Variants in SEC14L5 observed in about 807,000 individuals in gnomAD.
SEC14L5 encodes the protein SEC14 like lipid binding 5, also known as SEC14-like protein 5.
A neutral mutation model predicts 84.6 loss-of-function variants in SEC14L5; 96 were observed. The ratio of observed to expected loss-of-function variants is 1.13; its 90% CI spans 0.96 to 1.34. The LOEUF (loss-of-function observed/expected upper bound fraction) is 1.34. SEC14L5 is among the 40% of genes most tolerant of loss of function. The pLI is 0.00. For synonymous variants in SEC14L5, 546 were observed against 383.4 expected, an observed-to-expected ratio of 1.42 and a Z score of -4.95; for missense variants, 1,224 against 942.5, an observed-to-expected ratio of 1.30 and a Z score of -3.91.
intron 2 of SEC14L5, among the ~76,000 whole-genome samples, chr16:4,962,251 C>T (rs151069527): frequency 3.3e-5 from 5 of 151,984 alleles, no homozygotes; most frequent in Middle Eastern, 6.8e-3. Context: ...GTAATGTACT[C>T]GCATTGCCTG....
At chr16:4,967,353 C>T (rs953524118) in intron 2 of SEC14L5, among the ~76,000 whole-genome samples, 1 of 152,054 alleles carries the variant, frequency 6.6e-6, no homozygotes, top group African/African-American at 2.4e-5. Flanking sequence ...TTTATAAGGA[C>T]ACTCCAATGG....
In SEC14L5 at chr16:5,008,561, G is replaced by T. The variant is rs1319751813; in HGVS notation, c.1713G>T (p.Gly571=). ...GAREPGTRAS[G]QLIDKGWVLG... is the part of the protein sequence containing the mutation. ...GGGAACCGGGGACCAGGGCCAGCGGGCAGCTGATCGACAAAGGCTGGGTCC... is the reference window on the plus strand; with the variant it reads ...GGGAACCGGGGACCAGGGCCAGCGGTCAGCTGATCGACAAAGGCTGGGTCC... The change falls in exon 14 of 16, where the codon GGG becomes GGT. Residue 571 remains glycine, a synonymous_variant. Transcript: ENST00000251170. 1 of 1,608,444 alleles carries T rather than the reference G, an allele frequency of 6.2e-7. No homozygotes were observed. Among genetic ancestry groups the T allele is most frequent in the Non-Finnish European group, 8.5e-7 (1 of 1,177,998 alleles).
intron 9 of SEC14L5, 48 bp downstream of exon 9, chr16:5,000,791 G>C: frequency 6.4e-7 from 1 of 1,562,420 alleles, no homozygotes; most frequent in Non-Finnish European, 8.7e-7. Flanking sequence ...GGCCGGGCCT[G>C]GGAAGGACTG....
At chr16:4,994,955 C>G (rs1955593766) in intron 6 of SEC14L5, among the ~76,000 whole-genome samples, 1 of 152,162 alleles carries the variant, frequency 6.6e-6, no homozygotes, top group African/African-American at 2.4e-5. Flanking sequence ...TCCGGCCTCT[C>G]TCGTTTTTCT....
At chr16:4,999,559 G>A (rs559894040) in intron 8 of SEC14L5, among the ~76,000 whole-genome samples, 2 of 152,214 alleles carry the variant, frequency 1.3e-5, no homozygotes, top group African/African-American at 4.8e-5. Context: ...GGTTCAGGCT[G>A]CAGTGAGTCG....
At chr16:5,011,330 A>T in intron 15 of SEC14L5, 57 bp downstream of exon 15, 1 of 1,537,280 alleles carries the variant, frequency 6.5e-7, no homozygotes, top group Admixed American at 1.8e-5. Context: ...CTGATTGACA[A>T]TGCAGATGCC....
intron 2 of SEC14L5, among the ~76,000 whole-genome samples, chr16:4,978,971 A>G (rs180710610): frequency 3.9e-4 from 60 of 152,238 alleles, no homozygotes; most frequent in Non-Finnish European, 7.6e-4. Context: ...CCTGGGCTCA[A>G]ACAATCCTCC....
intron 2 of SEC14L5, among the ~76,000 whole-genome samples, chr16:4,975,946 T>C (rs1955334032): frequency 6.6e-6 from 1 of 152,210 alleles, no homozygotes; most frequent in South Asian, 2.1e-4. Context: ...TCTGCATTCT[T>C]ACTGGACGTT....
chr16:5,002,845 C>G (rs1955691830), intron 10 of SEC14L5, among the ~76,000 whole-genome samples: 2 of 152,240 alleles, frequency 1.3e-5, no homozygotes, highest in Non-Finnish European at 2.9e-5. Flanking sequence ...TGCATGCTCT[C>G]AGCACCTCTG....
intron 6 of SEC14L5, among the ~76,000 whole-genome samples, chr16:4,994,936 G>A (rs1955593427): frequency 6.6e-6 from 1 of 152,170 alleles, no homozygotes; most frequent in Non-Finnish European, 1.5e-5. Flanking sequence ...CCGGAAGGAT[G>A]CTGGGAGCTC....
At chr16:5,008,139 C>T (rs990609269) in intron 13 of SEC14L5, among the ~76,000 whole-genome samples, 1 of 151,662 alleles carries the variant, frequency 6.6e-6, no homozygotes, top group Non-Finnish European at 1.5e-5. Context: ...TGGTCTCGAA[C>T]TCCTGACCTC....
At chr16:4,970,313 A>C (rs926072960) in intron 2 of SEC14L5, among the ~76,000 whole-genome samples, 4 of 152,050 alleles carry the variant, frequency 2.6e-5, no homozygotes, top group Admixed American at 6.6e-5. Context: ...GGAAGCAGGG[A>C]GTGGGGAGGT....
chr16:4,993,595 A>G (rs143505007), intron 6 of SEC14L5, among the ~76,000 whole-genome samples: 434 of 152,348 alleles, frequency 2.8e-3, no homozygotes, highest in African/African-American at 9.9e-3. Context: ...AAACAACCCT[A>G]TTTAGGTCGT....
chr16:5,002,582 G>A (rs773065578), intron 10 of SEC14L5, among the ~76,000 whole-genome samples: 6 of 152,170 alleles, frequency 3.9e-5, no homozygotes, highest in South Asian at 2.1e-4. Context: ...TGTCCTGGCC[G>A]GAAGCATAAT....
At chr16:5,003,633 C>G (rs925749359) in intron 11 of SEC14L5, 60 bp downstream of exon 11, 3 of 948,818 alleles carry the variant, frequency 3.2e-6, no homozygotes, top group Non-Finnish European at 4.8e-6. Flanking sequence ...GGAGGGGTTC[C>G]GTCTGCAAGC....
intron 2 of SEC14L5, among the ~76,000 whole-genome samples, chr16:4,966,506 C>G (rs2142475132): frequency 6.6e-6 from 1 of 151,920 alleles, no homozygotes; most frequent in African/African-American, 2.4e-5. Context: ...AACTCCTGAC[C>G]TCAGGTAATC....
At chr16:5,013,817 C>G (rs1358262305) in intron 15 of SEC14L5, among the ~76,000 whole-genome samples, 1 of 152,048 alleles carries the variant, frequency 6.6e-6, no homozygotes, top group African/African-American at 2.4e-5. Flanking sequence ...TTCGGCCTCC[C>G]AAAGGGCTGG....
At chr16:4,997,800 A>T (rs943627278) in intron 8 of SEC14L5, among the ~76,000 whole-genome samples, 1 of 151,918 alleles carries the variant, frequency 6.6e-6, no homozygotes, top group Admixed American at 6.6e-5. Flanking sequence ...CTTCTGGTGG[A>T]CCCAGGTGTT....
chr16:5,011,304 A>G (rs1955800332), intron 15 of SEC14L5, 31 bp downstream of exon 15: 1 of 1,599,748 alleles, frequency 6.3e-7, no homozygotes, highest in South Asian at 1.1e-5. Flanking sequence ...GGTCCTGGGC[A>G]GGAAGGACCC....
Sources: allele counts gnomAD v4.1 joint callset (sites outside exome capture counted in the v4.1 genomes callset), GRCh38; gene constraint gnomAD v4.1.1; transcripts MANE v1.5; gene names NCBI Gene and HGNC (gene_info 2026-07-23, HGNC 2026-07-21).